SCMH1: variants seen among roughly 807,000 people sequenced by gnomAD.
SCMH1 encodes the protein polycomb protein SCMH1.
In SCMH1, 37 loss-of-function variants were observed where a neutral mutation model predicts 70.8. The ratio of observed to expected loss-of-function variants is 0.52; its 90% CI spans 0.40 to 0.69. SCMH1 has a LOEUF of 0.69. Among genes scored for constraint, SCMH1 ranks in the 30% least tolerant of loss-of-function variants. The probability of loss-of-function intolerance (pLI) is 0.00; values close to 1 mark genes in which losing one functional copy is unlikely to be tolerated. For synonymous variants in SCMH1, 292 were observed against 307.4 expected (o/e 0.95, Z 0.52); for missense variants, 607 against 827.3 (o/e 0.73, Z 3.27).
intron 12 of SCMH1, among the ~76,000 whole-genome samples, chr1:41,042,311 C>T (rs2300656): frequency 2.0e-5 from 3 of 151,496 alleles, no homozygotes; most frequent in East Asian, 3.9e-4. Context: ...TGCAATGGTG[C>T]GATCTCAGCT....
At chr1:41,180,446 G>A (rs1648401673) in intron 2 of SCMH1, among the ~76,000 whole-genome samples, 1 of 152,208 alleles carries the variant, frequency 6.6e-6, no homozygotes, top group Non-Finnish European at 1.5e-5. Flanking sequence ...CAGAGGACAT[G>A]ATTGTATATC....
chr1:41,039,067 GCTGT>G (rs1210235919), intron 12 of SCMH1, among the ~76,000 whole-genome samples: 1 of 152,200 alleles, frequency 6.6e-6, no homozygotes, highest in East Asian at 1.9e-4. Context: ...GCAAATCTAA[GCTGT>G]CTGTGATAGT....
chr1:41,227,940 T>G (rs1660581580), intron 1 of SCMH1, among the ~76,000 whole-genome samples: 1 of 152,112 alleles, frequency 6.6e-6, no homozygotes, highest in Non-Finnish European at 1.5e-5. Flanking sequence ...GAGCTGAGAT[T>G]GCACCATTGC....
At chr1:41,218,059 C>T (rs1458325939) in intron 1 of SCMH1, among the ~76,000 whole-genome samples, 1 of 152,134 alleles carries the variant, frequency 6.6e-6, no homozygotes, top group Admixed American at 6.5e-5. Flanking sequence ...CAGAGGCTCA[C>T]TCATATCTGA....
At chr1:41,197,701 A>G (rs911124224) in intron 1 of SCMH1, among the ~76,000 whole-genome samples, 19 of 152,126 alleles carry the variant, frequency 1.2e-4, no homozygotes, top group South Asian at 6.2e-4. Context: ...CAATTAAAAA[A>G]AAACAGGCAA....
intron 2 of SCMH1, among the ~76,000 whole-genome samples, chr1:41,178,385 A>G (rs992526968): frequency 3.3e-4 from 50 of 152,296 alleles, no homozygotes; most frequent in African/African-American, 1.2e-3. Context: ...TTCACACATA[A>G]CAATATTAAC....
intron 2 of SCMH1, among the ~76,000 whole-genome samples, chr1:41,173,718 T>C (rs1158514715): frequency 1.3e-5 from 2 of 152,152 alleles, no homozygotes; most frequent in Non-Finnish European, 2.9e-5. Flanking sequence ...AACCAAAGTG[T>C]CCATCATTAG....
intron 8 of SCMH1, among the ~76,000 whole-genome samples, chr1:41,096,850 C>T (rs1665216492): frequency 6.6e-6 from 1 of 152,138 alleles, no homozygotes; most frequent in South Asian, 2.1e-4. Context: ...CTAATGCTTA[C>T]CACTTCACAG....
chr1:41,060,219 G>A (rs1363500747), intron 10 of SCMH1, among the ~76,000 whole-genome samples: 5 of 151,234 alleles, frequency 3.3e-5, no homozygotes, highest in African/African-American at 9.7e-5. Context: ...CAAAAACCCT[G>A]ACATCTACAC....
At chr1:41,044,468 G>C (rs1316683437) in intron 12 of SCMH1, among the ~76,000 whole-genome samples, 2 of 152,088 alleles carry the variant, frequency 1.3e-5, no homozygotes, top group Non-Finnish European at 2.9e-5. Flanking sequence ...CAGGCAAGCA[G>C]GCAGAAAGGA....
chr1:41,071,810 G>C (rs1481261411), intron 9 of SCMH1, among the ~76,000 whole-genome samples: 1 of 152,070 alleles, frequency 6.6e-6, no homozygotes, highest in East Asian at 1.9e-4. Context: ...CTACAGGTGT[G>C]TGCCAGCACA....
At position 41,143,242 on chromosome 1, in the gene SCMH1, T is replaced by C. The variant is rs1248216114; in HGVS notation, c.178-130A>G. ...ATTATTCCCTAATAATTAAGAATGGTTTCATGCAAAAGAAACAATGAAAGA... is the reference window on the plus strand; with the variant it reads ...ATTATTCCCTAATAATTAAGAATGGCTTCATGCAAAAGAAACAATGAAAGA... On this transcript the variant is annotated intron_variant, in intron 5 of 14. Transcript: ENST00000337495. 16 of 655,730 alleles carry C rather than the reference T, an allele frequency of 2.4e-5. No homozygotes were observed. In the East Asian group the frequency reaches 4.0e-4, roughly 17 times the overall value. 40.6% of individuals were successfully genotyped at this position (655,730 alleles called of 1,614,324 possible).
chr1:41,098,283 T>A (rs750301788), intron 8 of SCMH1, among the ~76,000 whole-genome samples: 3 of 152,220 alleles, frequency 2.0e-5, no homozygotes, highest in African/African-American at 7.2e-5. Flanking sequence ...AAACAACATA[T>A]ATCATTTGGT....
At chr1:41,172,197 A>C (rs528801735) in intron 2 of SCMH1, among the ~76,000 whole-genome samples, 24 of 152,048 alleles carry the variant, frequency 1.6e-4, no homozygotes, top group East Asian at 5.8e-4. Flanking sequence ...AAAAAAAAAA[A>C]AAAACGCTGT....
intron 1 of SCMH1, among the ~76,000 whole-genome samples, chr1:41,193,916 T>C (rs766346654): frequency 1.3e-5 from 2 of 152,206 alleles, no homozygotes; most frequent in Non-Finnish European, 2.9e-5. Context: ...TTAACACTTT[T>C]TCATAGACTT....
intron 2 of SCMH1, among the ~76,000 whole-genome samples, chr1:41,172,397 A>C (rs1008636893): frequency 3.9e-5 from 6 of 152,088 alleles, no homozygotes; most frequent in African/African-American, 1.4e-4. Context: ...AGATCTCTAC[A>C]AGGGAAATTA....
chr1:41,158,473 A>G (rs1645745203), intron 4 of SCMH1, among the ~76,000 whole-genome samples: 1 of 152,244 alleles, frequency 6.6e-6, no homozygotes, highest in African/African-American at 2.4e-5. Context: ...CAGGAGTCAA[A>G]GAAAAAGGAA....
At chr1:41,035,648 C>T (rs777270648) in intron 13 of SCMH1, among the ~76,000 whole-genome samples, 4 of 152,184 alleles carry the variant, frequency 2.6e-5, no homozygotes, top group Non-Finnish European at 4.4e-5. Context: ...CCCTTGATCC[C>T]ACCACTCCTG....
At chr1:41,228,030 G>C (rs868388474) in intron 1 of SCMH1, among the ~76,000 whole-genome samples, 1 of 152,142 alleles carries the variant, frequency 6.6e-6, no homozygotes, top group South Asian at 2.1e-4. Context: ...ATTTATTAGA[G>C]AAAGTATGAA....
Sources: allele counts gnomAD v4.1 joint callset (sites outside exome capture counted in the v4.1 genomes callset), GRCh38; gene constraint gnomAD v4.1.1; transcripts MANE v1.5; gene names NCBI Gene and HGNC (gene_info 2026-07-23, HGNC 2026-07-21).